GRIN2A: variants seen among roughly 807,000 people sequenced by gnomAD.
GRIN2A encodes glutamate receptor ionotropic, NMDA 2A.
A neutral mutation model predicts 113.4 loss-of-function variants in GRIN2A; 22 were observed. The ratio of observed to expected loss-of-function variants is 0.19; its 90% CI spans 0.14 to 0.28. GRIN2A has a LOEUF of 0.28. GRIN2A is among the 10% of genes least tolerant of loss of function. The pLI, the probability that GRIN2A is intolerant of heterozygous loss-of-function variation, is 1.00. For missense variants in GRIN2A, 1,502 were observed against 1,887.0 expected (o/e 0.80, Z 3.78); for synonymous variants, 827 against 738.4 (o/e 1.12, Z -1.94).
At chr16:10,082,064 A>G (rs1296407947) in intron 2 of GRIN2A, among the ~76,000 whole-genome samples, 1 of 152,142 alleles carries the variant, frequency 6.6e-6, no homozygotes, top group African/African-American at 2.4e-5. Context: ...AGCAAATCCC[A>G]CCTGGACACA....
chr16:10,166,153 C>G (rs1246751515), intron 2 of GRIN2A, among the ~76,000 whole-genome samples: 1 of 152,216 alleles, frequency 6.6e-6, no homozygotes, highest in African/African-American at 2.4e-5. Context: ...GGACAGCAGA[C>G]TAGCAAGACG....
Position 9,849,794 on chromosome 16 carries a change from C to T in GRIN2A, c.1290G>A (p.Val430=), listed in dbSNP as rs1272140502. The change falls in exon 5 of 13, where the codon GTG becomes GTA. Residue 430 remains valine, a synonymous_variant. Coordinates refer to ENST00000330684, the MANE Select transcript of GRIN2A (RefSeq NM_001134407.3). The part of the protein sequence containing the change: ...EDIDPLTETC[V]RNTVPCRKFV... The stretch of plus-strand genomic sequence containing the variant: ...ACTTCCGACATGGCACGGTGTTCCT[C>T]ACACACGTCTCGGTCAGGGGGTCTA... 1 of 1,614,088 alleles carries T rather than the reference C, an allele frequency of 6.2e-7. No individual in the cohort carries two copies. The highest frequency in any genetic ancestry group is 8.5e-7 in the Non-Finnish European group (1 of 1,179,962).
chr16:9,809,551 A>T lies in GRIN2A; in HGVS notation c.2169-11087T>A, dbSNP rs200078335. Among the ~76,000 whole-genome samples the T allele has an allele frequency of 7.5e-4, 110 of 146,940 alleles. No individual in the cohort carries two copies. The East Asian group carries it at 0.017, about 23-fold the overall frequency. ...CAAAGGAATGCTTATCTGTATTTTC[A>T]TTTTTTTTTTTTTACAATGAGGATA... On this transcript the variant is annotated intron_variant, in intron 10 of 12. Coordinates refer to ENST00000330684, the MANE Select transcript of GRIN2A (RefSeq NM_001134407.3).
intron 4 of GRIN2A, among the ~76,000 whole-genome samples, chr16:9,889,635 C>T (rs574376904): frequency 6.6e-6 from 1 of 152,214 alleles, no homozygotes; most frequent in Admixed American, 6.5e-5. Flanking sequence ...TCTTATTCCT[C>T]AAATTTTGAT....
intron 3 of GRIN2A, among the ~76,000 whole-genome samples, chr16:9,893,456 T>A (rs1367510560): frequency 1.3e-5 from 2 of 152,088 alleles, no homozygotes; most frequent in African/African-American, 2.4e-5. Flanking sequence ...GGTTTTTTGT[T>A]TTTTGTTTTT....
rs375869375 is a variant in GRIN2A, at chr16:9,834,088, C to T, written c.1777+17G>A. 346 of 1,611,078 alleles carry T rather than the reference C, an allele frequency of 2.1e-4. 3 individuals carry two copies. In the African/African-American group the frequency reaches 4.5e-3, roughly 21 times the overall value. ...AATTGCAACAACATTGAATCATGCT[C>T]ATGAAGGTACCCTTACCTTTCCCTT... On this transcript the variant is annotated intron_variant, in intron 8 of 12. Transcript: ENST00000330684.
chr16:9,978,909 T>C (rs1310155671), intron 2 of GRIN2A, among the ~76,000 whole-genome samples: 5 of 152,162 alleles, frequency 3.3e-5, no homozygotes, highest in Non-Finnish European at 7.3e-5. Context: ...GACAGTAAAT[T>C]CTGCTATGTA....
chr16:10,151,779 C>T (rs2049581320), intron 2 of GRIN2A, among the ~76,000 whole-genome samples: 1 of 152,094 alleles, frequency 6.6e-6, no homozygotes, highest in African/African-American at 2.4e-5. Flanking sequence ...CCTCCGAGTT[C>T]GAGGCATTAA....
intron 2 of GRIN2A, among the ~76,000 whole-genome samples, chr16:9,981,010 A>G (rs1055914339): frequency 6.7e-6 from 1 of 149,868 alleles, no homozygotes; most frequent in African/African-American, 2.5e-5. Context: ...AAAATAAAAT[A>G]AATAAATAAA....
At chr16:10,106,980 G>T (rs188757823) in intron 2 of GRIN2A, among the ~76,000 whole-genome samples, 2 of 152,254 alleles carry the variant, frequency 1.3e-5, no homozygotes, top group Non-Finnish European at 2.9e-5. Flanking sequence ...CAGAAGACAT[G>T]ATGTTCATCT....
intron 2 of GRIN2A, among the ~76,000 whole-genome samples, chr16:10,078,755 G>A (rs2047924726): frequency 6.6e-6 from 1 of 152,154 alleles, no homozygotes; most frequent in Admixed American, 6.5e-5. Context: ...AGAGAGGTGA[G>A]AAGCTGCTGG....
intron 2 of GRIN2A, among the ~76,000 whole-genome samples, chr16:10,062,026 G>A (rs1027793350): frequency 6.6e-6 from 1 of 152,138 alleles, no homozygotes; most frequent in African/African-American, 2.4e-5. Flanking sequence ...ATTACATAGG[G>A]GAGGCAACTG....
chr16:10,147,703 G>T (rs1596553336), intron 2 of GRIN2A, among the ~76,000 whole-genome samples: 1 of 151,518 alleles, frequency 6.6e-6, no homozygotes, highest in Non-Finnish European at 1.5e-5. Context: ...AAATCATGAG[G>T]AGGATCACCC....
At chr16:10,152,962 T>C (rs907844647) in intron 2 of GRIN2A, among the ~76,000 whole-genome samples, 3 of 151,980 alleles carry the variant, frequency 2.0e-5, no homozygotes, top group Non-Finnish European at 4.4e-5. Flanking sequence ...AGGTAGAACA[T>C]AGATGATTTT....
intron 2 of GRIN2A, among the ~76,000 whole-genome samples, chr16:10,009,165 T>A (rs1210881189): frequency 6.6e-6 from 1 of 152,182 alleles, no homozygotes; most frequent in South Asian, 2.1e-4. Flanking sequence ...CTTAGCCAAA[T>A]ACATACTCAG....
At chr16:9,816,482 T>C (rs570439662) in intron 10 of GRIN2A, among the ~76,000 whole-genome samples, 1 of 152,284 alleles carries the variant, frequency 6.6e-6, no homozygotes, top group South Asian at 2.1e-4. Context: ...CCCAGACTTG[T>C]ACATGAAAAT....
chr16:9,776,338 G>A lies in GRIN2A; in HGVS notation c.2357-7249C>T, dbSNP rs548332289. 8.6e-5 allele frequency among the ~76,000 whole-genome samples: 13 copies of A among 151,058 alleles called. No individual in the cohort carries two copies. In the South Asian group the frequency reaches 2.7e-3, roughly 32 times the overall value. ...AGTGGAACGTAATTGTCACTGGGAG[G>A]TGAGTTTATTCAGGGCAGGGATCTT... On this transcript the variant is annotated intron_variant, in intron 11 of 12. Coordinates refer to ENST00000330684, the MANE Select transcript of GRIN2A (RefSeq NM_001134407.3).
intron 2 of GRIN2A, among the ~76,000 whole-genome samples, chr16:10,074,503 GA>G (rs147493309): frequency 0.095 from 14,473 of 152,176 alleles, 763 homozygotes; most frequent in African/African-American, 0.11. Flanking sequence ...TCAATGAAGG[GA>G]TAAACAAGAT....
chr16:9,938,452 G>C lies in GRIN2A; in HGVS notation c.514C>G (p.Leu172Val). Residue 172 changes from leucine to valine, a missense_variant, in exon 3 of 13, where the codon CTG becomes GTG. Leu to Val is a conservative substitution (Grantham distance 32, BLOSUM62 1). This residue lies in a region of GRIN2A where 334 missense variants were observed against 403.0 expected (regional missense o/e 0.83). Coordinates refer to ENST00000330684, the MANE Select transcript of GRIN2A (RefSeq NM_001134407.3). ...TAGCCAGGGAAGATAGTGGTCACCAGGGAGAAGACATGCCAGTCATAATCC... is the reference window on the plus strand; with the variant it reads ...TAGCCAGGGAAGATAGTGGTCACCACGGAGAAGACATGCCAGTCATAATCC... Reference protein sequence around the residue: ...MQDYDWHVFSLVTTIFPGYRE... With the variant: ...MQDYDWHVFSVVTTIFPGYRE... 1 of 1,613,866 alleles carries C rather than the reference G, an allele frequency of 6.2e-7. No homozygotes were observed. The highest frequency in any genetic ancestry group is 8.5e-7 in the Non-Finnish European group (1 of 1,179,936).
Sources: gnomAD v4.1 joint callset for allele counts (sites outside exome capture counted in the v4.1 genomes callset) on GRCh38, gnomAD v4.1.1 for gene constraint, gnomAD v4.1.1 regional missense constraint, MANE v1.5 for transcripts, NCBI Gene and HGNC (gene_info 2026-07-23, HGNC 2026-07-21) for gene names.